THADA: variants seen among roughly 807,000 people sequenced by gnomAD.
The protein encoded by THADA is tRNA (32-2'-O)-methyltransferase regulator THADA.
A neutral mutation model predicts 219.8 loss-of-function variants in THADA; 213 were observed. That is an observed-to-expected ratio of 0.97 (90% CI 0.87 to 1.09). THADA has a LOEUF of 1.09. Ranked by LOEUF, THADA falls within the 50% of genes least tolerant of loss-of-function variation. THADA has a pLI of 0.00. For missense variants in THADA, 2,956 were observed against 2,311.3 expected (o/e 1.28, Z -5.72); for synonymous variants, 1,018 against 828.9 (o/e 1.23, Z -3.92).
chr2:43,279,724 C>T (rs1218398471), intron 36 of THADA, 41 bp downstream of exon 36: 2 of 1,532,728 alleles, frequency 1.3e-6, no homozygotes, highest in South Asian at 2.5e-5. Context: ...AACCTCTATC[C>T]TGCAGCGATA....
intron 33 of THADA, 63 bp from the exon 34 acceptor site, chr2:43,291,831 G>A: frequency 7.1e-7 from 1 of 1,409,980 alleles, no homozygotes; most frequent in Non-Finnish European, 9.7e-7. Context: ...TCATACACCG[G>A]TTTTTGCAGA....
chr2:43,568,857 A>G (rs1698975595), intron 14 of THADA, among the ~76,000 whole-genome samples: 1 of 152,194 alleles, frequency 6.6e-6, no homozygotes. Flanking sequence ...AGCCTGGGTA[A>G]CACAGCAAGA....
At chr2:43,277,961 T>A (rs1306035602) in intron 36 of THADA, among the ~76,000 whole-genome samples, 1 of 151,224 alleles carries the variant, frequency 6.6e-6, no homozygotes, top group Non-Finnish European at 1.5e-5. Context: ...CTTTTTTTTT[T>A]TTTTTTTGAG....
At chr2:43,518,975 C>T (rs1018322002) in intron 22 of THADA, among the ~76,000 whole-genome samples, 8 of 152,020 alleles carry the variant, frequency 5.3e-5, no homozygotes, top group Non-Finnish European at 8.8e-5. Flanking sequence ...CCTCCCAAAA[C>T]TACCTTTAAC....
chr2:43,578,154 A>G (rs1380005426), intron 9 of THADA, among the ~76,000 whole-genome samples: 1 of 145,170 alleles, frequency 6.9e-6, no homozygotes, highest in Non-Finnish European at 1.5e-5. Context: ...AATATTTTTA[A>G]TTTTTTTTTT....
intron 21 of THADA, among the ~76,000 whole-genome samples, chr2:43,529,093 T>C (rs1193353049): frequency 2.0e-5 from 3 of 152,060 alleles, no homozygotes; most frequent in Non-Finnish European, 4.4e-5. Context: ...TGTCACCCAG[T>C]GGCTTTCCTA....
intron 29 of THADA, among the ~76,000 whole-genome samples, chr2:43,394,748 A>G (rs1020963007): frequency 6.6e-6 from 1 of 152,258 alleles, no homozygotes; most frequent in African/African-American, 2.4e-5. Context: ...GACATGCCAG[A>G]AAGACTTTCC....
rs911701393 is a variant in THADA at position 43,549,224 on chromosome 2, G to A, written c.3092C>T (p.Ser1031Phe). ...ATACAAGTTACCTTTGATTTCTGTAGAAGTATCAATATTCACCACACTAGC... is the reference window on the plus strand; with the variant it reads ...ATACAAGTTACCTTTGATTTCTGTAAAAGTATCAATATTCACCACACTAGC... ...LNASVVNIDT[S>F]TEIKGKEVKT... The change falls in exon 20 of 38, where the codon TCT becomes TTT. Residue 1031 changes from serine to phenylalanine, a missense_variant. By Grantham distance (155) the Ser-to-Phe change is radical. Transcript: ENST00000405975. The A allele has an allele frequency of 3.8e-6, 6 of 1,575,388 alleles. No homozygotes were observed. The highest frequency in any genetic ancestry group is 4.5e-5 in the East Asian group (2 of 44,446).
chr2:43,456,786 A>G (rs922626984), intron 26 of THADA, among the ~76,000 whole-genome samples: 1 of 152,142 alleles, frequency 6.6e-6, no homozygotes, highest in African/African-American at 2.4e-5. Context: ...AGATGAGATG[A>G]AAGGAATAGA....
In THADA at chr2:43,292,098, G is replaced by C; in HGVS notation, c.4937+6C>G. On this transcript the variant is annotated splice_donor_region_variant and intron_variant, in intron 33 of 37. Transcript: ENST00000405975. ...CAAGGTTGCACAGGAGGTTTTGGGG[G>C]CAAACCTTTCATTGGAAGCAATATC... is the stretch of plus-strand genomic sequence containing the variant. The C allele has an allele frequency of 6.3e-7, 1 of 1,583,052 alleles. No homozygotes were observed. Among genetic ancestry groups the C allele is most frequent in the South Asian group, 1.2e-5 (1 of 86,350 alleles).
intron 22 of THADA, among the ~76,000 whole-genome samples, chr2:43,511,364 C>T (rs557357604): frequency 4.1e-4 from 62 of 152,264 alleles, no homozygotes; most frequent in Non-Finnish European, 7.1e-4. Context: ...TGAGTGAGCC[C>T]GCAGAGGCTG....
intron 20 of THADA, among the ~76,000 whole-genome samples, chr2:43,546,957 T>G (rs940930878): frequency 2.0e-5 from 3 of 152,202 alleles, no homozygotes; most frequent in African/African-American, 7.2e-5. Context: ...ATGCAGTTTC[T>G]TCCTAGCCTC....
At chr2:43,485,076 T>A (rs1686742207) in intron 26 of THADA, among the ~76,000 whole-genome samples, 158 bp downstream of exon 26, 2 of 152,134 alleles carry the variant, frequency 1.3e-5, no homozygotes, top group African/African-American at 4.8e-5. Flanking sequence ...TGCCCAAGGG[T>A]TTATAACTTG....
intron 1 of THADA, 82 bp from the exon 2 acceptor site, chr2:43,592,498 T>C (rs1241529359): frequency 6.3e-6 from 5 of 795,680 alleles, no homozygotes; most frequent in Non-Finnish European, 1.1e-5. Context: ...TCATTCTTTG[T>C]TGAACAGTAT....
intron 29 of THADA, among the ~76,000 whole-genome samples, chr2:43,350,549 A>G (rs1018313448): frequency 2.0e-5 from 3 of 152,206 alleles, no homozygotes; most frequent in African/African-American, 7.2e-5. Context: ...TCTGACTTCC[A>G]CAATGCAGGG....
At chr2:43,296,539 G>C (rs1452094876) in intron 31 of THADA, among the ~76,000 whole-genome samples, 1 of 152,162 alleles carries the variant, frequency 6.6e-6, no homozygotes, top group Non-Finnish European at 1.5e-5. Flanking sequence ...GCCTCCCAAA[G>C]TGCTGGGATT....
At chr2:43,538,185 C>T (rs774061519) in intron 21 of THADA, among the ~76,000 whole-genome samples, 29 of 152,144 alleles carry the variant, frequency 1.9e-4, no homozygotes, top group Admixed American at 3.3e-4. Context: ...TCAGATAGCC[C>T]ATGAAAAGAG....
intron 30 of THADA, among the ~76,000 whole-genome samples, chr2:43,328,584 G>A (rs1017805589): frequency 2.0e-5 from 3 of 152,238 alleles, no homozygotes; most frequent in African/African-American, 7.2e-5. Context: ...GAGACCGTGA[G>A]CTGTTAGTCT....
intron 31 of THADA, among the ~76,000 whole-genome samples, chr2:43,320,238 A>G (rs767187885): frequency 6.6e-6 from 1 of 152,246 alleles, no homozygotes; most frequent in Non-Finnish European, 1.5e-5. Context: ...GACCAACTAG[A>G]AAATAAACGG....
Sources: allele counts gnomAD v4.1 joint callset (sites outside exome capture counted in the v4.1 genomes callset), GRCh38; gene constraint gnomAD v4.1.1; transcripts MANE v1.5; gene names NCBI Gene and HGNC (gene_info 2026-07-23, HGNC 2026-07-21).